TMEM132D: variants seen among roughly 807,000 people sequenced by gnomAD.
TMEM132D encodes the protein mature OL transmembrane protein.
TMEM132D carries 21 observed loss-of-function variants against 62.3 expected under a neutral mutation model. The observed-to-expected ratio is 0.34, with a 90% CI of 0.24 to 0.49. The LOEUF (loss-of-function observed/expected upper bound fraction) is 0.49, where lower values mean the gene tolerates loss of function less well. Among genes scored for constraint, TMEM132D ranks in the 20% least tolerant of loss-of-function variants. The pLI is 0.99. For missense variants in TMEM132D, 1,346 were observed against 1,402.8 expected, an observed-to-expected ratio of 0.96 and a Z score of 0.65; for synonymous variants, 621 against 575.6, an observed-to-expected ratio of 1.08 and a Z score of -1.13.
chr12:129,248,588 G>A (rs1163277111), intron 4 of TMEM132D, among the ~76,000 whole-genome samples: 101 of 151,862 alleles, frequency 6.7e-4, no homozygotes, highest in Admixed American at 6.6e-3. Context: ...TTCAGGGGTA[G>A]AAGTGCAGGT....
intron 5 of TMEM132D, among the ~76,000 whole-genome samples, chr12:129,201,795 G>A (rs544061816): frequency 1.2e-4 from 18 of 152,230 alleles, no homozygotes; most frequent in African/African-American, 4.3e-4. Context: ...AGAGAAGGAG[G>A]GAGGGAGAGG....
chr12:129,789,490 CAA>C lies in TMEM132D; in HGVS notation c.80-88794_80-88793del, dbSNP rs1871339853. ...GGAACCAACCCAAATGACCATCAAC[CAA>C]AGAGTGGATAAGTCAAATGCAGTAT... is the stretch of plus-strand genomic sequence containing the variant. On this transcript the variant is annotated intron_variant, in intron 1 of 8. Coordinates refer to ENST00000422113, the MANE Select transcript of TMEM132D (RefSeq NM_133448.3). Among the ~76,000 whole-genome samples, 8 of 152,266 alleles carry C rather than the reference CAA, an allele frequency of 5.3e-5. No individual in the cohort carries two copies. The South Asian group carries it at 1.7e-3, about 32-fold the overall frequency.
chr12:129,184,421 A>T (rs1878162060), intron 5 of TMEM132D, among the ~76,000 whole-genome samples: 1 of 152,140 alleles, frequency 6.6e-6, no homozygotes, highest in Non-Finnish European at 1.5e-5. Context: ...TTACAAACAA[A>T]ACAGAAAAGC....
intron 5 of TMEM132D, among the ~76,000 whole-genome samples, chr12:129,207,745 G>A (rs989468920): frequency 2.8e-5 from 4 of 140,552 alleles, no homozygotes; most frequent in Admixed American, 1.4e-4. Flanking sequence ...TGTGAGGAGG[G>A]GAAGCCAGTG....
At chr12:129,205,822 C>G (rs1189615552) in intron 5 of TMEM132D, among the ~76,000 whole-genome samples, 1 of 152,156 alleles carries the variant, frequency 6.6e-6, no homozygotes, top group Non-Finnish European at 1.5e-5. Context: ...CAACCATACT[C>G]TCAGACCACA....
At chr12:129,490,935 TC>T (rs1874773830) in intron 3 of TMEM132D, among the ~76,000 whole-genome samples, 1 of 152,120 alleles carries the variant, frequency 6.6e-6, no homozygotes, top group African/African-American at 2.4e-5. Context: ...TACCCCCTAC[TC>T]TGATCCGGCA....
intron 4 of TMEM132D, among the ~76,000 whole-genome samples, chr12:129,325,868 C>T (rs1868891740): frequency 2.6e-5 from 4 of 152,172 alleles, no homozygotes; most frequent in Admixed American, 2.6e-4. Flanking sequence ...TTGCCAGCTA[C>T]AGAGCAAACA....
At position 129,894,703 on chromosome 12, in the gene TMEM132D, C is replaced by T. The variant is rs1197770713; in HGVS notation, c.79+8558G>A. On this transcript the variant is annotated intron_variant, in intron 1 of 8. Coordinates refer to ENST00000422113, the MANE Select transcript of TMEM132D (RefSeq NM_133448.3). ...TCCATAAGACACATTGACAAGACAC[C>T]CCACAGAGCTCGCACCTTCCTTGTT... is the stretch of plus-strand genomic sequence containing the variant. Among the ~76,000 whole-genome samples the T allele has an allele frequency of 2.6e-5, 4 of 151,422 alleles. No individual in the cohort carries two copies. The East Asian group carries it at 7.8e-4, about 29-fold the overall frequency.
chr12:129,554,092 T>C (rs1876980750), intron 2 of TMEM132D, among the ~76,000 whole-genome samples: 1 of 152,172 alleles, frequency 6.6e-6, no homozygotes, highest in Non-Finnish European at 1.5e-5. Flanking sequence ...GTCTTCTCCA[T>C]ACTCCCCCCT....
intron 4 of TMEM132D, among the ~76,000 whole-genome samples, chr12:129,322,652 C>T (rs776134277): frequency 6.6e-6 from 1 of 152,084 alleles, no homozygotes; most frequent in Non-Finnish European, 1.5e-5. Flanking sequence ...TAGGTTCCAT[C>T]ATTACACCAA....
At chr12:129,651,388 C>G (rs1879923971) in intron 2 of TMEM132D, among the ~76,000 whole-genome samples, 1 of 152,118 alleles carries the variant, frequency 6.6e-6, no homozygotes, top group African/African-American at 2.4e-5. Flanking sequence ...TTCATTTAGG[C>G]AAATGACTCA....
At chr12:129,165,182 T>C (rs1257536199) in intron 5 of TMEM132D, among the ~76,000 whole-genome samples, 1 of 152,186 alleles carries the variant, frequency 6.6e-6, no homozygotes, top group Non-Finnish European at 1.5e-5. Context: ...ATTATGAAGA[T>C]GTCAGAATAG....
intron 3 of TMEM132D, among the ~76,000 whole-genome samples, chr12:129,491,522 G>A (rs559243387): frequency 7.6e-4 from 116 of 152,216 alleles, no homozygotes; most frequent in African/African-American, 2.8e-3. Context: ...GGTCCTCCCC[G>A]CTGTCTCCTA....
Position 129,822,068 on chromosome 12 carries a change from T to C in TMEM132D, c.79+81193A>G, listed in dbSNP as rs142405703. Among the ~76,000 whole-genome samples, 283 of 152,134 alleles carry C rather than the reference T, an allele frequency of 1.9e-3. 2 individuals carry two copies. The highest frequency in any genetic ancestry group is 6.5e-3 in the African/African-American group (270 of 41,478). On this transcript the variant is annotated intron_variant, in intron 1 of 8. Coordinates refer to ENST00000422113, the MANE Select transcript of TMEM132D (RefSeq NM_133448.3). ...TGGGGGGTGACAGGAAATAAATACA[T>C]CAGAGAGACAATCTGAGACACACGC... is the stretch of plus-strand genomic sequence containing the variant.
At chr12:129,439,541 C>G (rs1872882026) in intron 3 of TMEM132D, among the ~76,000 whole-genome samples, 1 of 152,138 alleles carries the variant, frequency 6.6e-6, no homozygotes, top group South Asian at 2.1e-4. Flanking sequence ...CCTCCCCCTC[C>G]TGGGTTCAAG....
At chr12:129,110,013 C>G (rs1374819943) in intron 5 of TMEM132D, 5 of 152,316 alleles carry the variant, frequency 3.3e-5, no homozygotes, top group East Asian at 1.9e-4. Flanking sequence ...CAAGGCTCCT[C>G]TATGGGCAAC....
chr12:129,486,041 C>T (rs1874568733), intron 3 of TMEM132D, among the ~76,000 whole-genome samples: 1 of 152,166 alleles, frequency 6.6e-6, no homozygotes, highest in African/African-American at 2.4e-5. Flanking sequence ...CCTGTTGATG[C>T]CGGAATCTGC....
chr12:129,800,925 T>C (rs1468169819), intron 1 of TMEM132D, among the ~76,000 whole-genome samples: 1 of 152,158 alleles, frequency 6.6e-6, no homozygotes, highest in Non-Finnish European at 1.5e-5. Flanking sequence ...GTCAGGGAGT[T>C]CCCTTTCCTA....
At chr12:129,515,820 A>G (rs1875657114) in intron 3 of TMEM132D, among the ~76,000 whole-genome samples, 1 of 152,134 alleles carries the variant, frequency 6.6e-6, no homozygotes, top group African/African-American at 2.4e-5. Flanking sequence ...CATTGAACCC[A>G]TGCATAAAGC....
Sources: gnomAD v4.1 joint callset for allele counts (sites outside exome capture counted in the v4.1 genomes callset) on GRCh38, gnomAD v4.1.1 for gene constraint, MANE v1.5 for transcripts, NCBI Gene and HGNC (gene_info 2026-07-23, HGNC 2026-07-21) for gene names.